Variants in RYR3 observed in about 807,000 individuals in gnomAD.
RYR3 encodes the protein ryanodine receptor 3.
Under a neutral mutation model 584.3 loss-of-function variants are expected in RYR3, and 207 were observed. The ratio of observed to expected loss-of-function variants is 0.35; its 90% CI spans 0.32 to 0.40. The LOEUF is 0.40. Ranked by LOEUF, RYR3 falls within the 10% of genes least tolerant of loss-of-function variation. RYR3 has a pLI of 1.00. For missense variants in RYR3, 5,616 were observed against 6,089.2 expected (o/e 0.92, Z 2.59); for synonymous variants, 2,416 against 2,248.5 (o/e 1.07, Z -2.11).
chr15:33,852,268 G>C (rs534014303), intron 94 of RYR3: 1 of 152,210 alleles, frequency 6.6e-6, no homozygotes. Flanking sequence ...GAAGGATTCA[G>C]TAATTCTGGA....
intron 1 of RYR3, among the ~76,000 whole-genome samples, chr15:33,378,833 T>A (rs557810970): frequency 2.6e-5 from 4 of 152,206 alleles, no homozygotes; most frequent in African/African-American, 9.6e-5. Flanking sequence ...GGCATAGCTG[T>A]GTGTGCCTGT....
At chr15:33,345,275 T>C (rs905130661) in intron 1 of RYR3, among the ~76,000 whole-genome samples, 1 of 152,162 alleles carries the variant, frequency 6.6e-6, no homozygotes, top group Non-Finnish European at 1.5e-5. Context: ...GGCATGGAGC[T>C]CCTAGCTCAC....
At chr15:33,458,444 T>C (rs2142043561) in intron 1 of RYR3, among the ~76,000 whole-genome samples, 1 of 152,344 alleles carries the variant, frequency 6.6e-6, no homozygotes, top group Admixed American at 6.5e-5. Context: ...GTTCTCAGCC[T>C]GCAGAGGCCA....
At chr15:33,625,958 T>C (rs1375501681) in intron 20 of RYR3, among the ~76,000 whole-genome samples, 2 of 152,206 alleles carry the variant, frequency 1.3e-5, no homozygotes, top group Non-Finnish European at 2.9e-5. Context: ...ATAATCCTTA[T>C]ACCACTGTGG....
chr15:33,488,930 C>A (rs2050731317), intron 2 of RYR3, among the ~76,000 whole-genome samples: 1 of 152,122 alleles, frequency 6.6e-6, no homozygotes, highest in Admixed American at 6.5e-5. Flanking sequence ...ATTTTCAAAC[C>A]AGGAGGTAAA....
intron 1 of RYR3, among the ~76,000 whole-genome samples, chr15:33,448,660 G>T (rs2339273): frequency 0.23 from 34,553 of 152,180 alleles, 4,192 homozygotes; most frequent in Middle Eastern, 0.32. Context: ...AGTTTATCCA[G>T]AAATCAACTT....
chr15:33,435,739 C>T lies in RYR3; in HGVS notation c.52-37680C>T, dbSNP rs115573846. Among the ~76,000 whole-genome samples the T allele has an allele frequency of 4.5e-3, 687 of 152,200 alleles. 1 individual carries two copies. The highest frequency in any genetic ancestry group is 0.016 in the African/African-American group (665 of 41,490). ...GGTAGGTTCCTGGTCTCACTGACTTCAGAGATGAAGCTGCAGACCCTCGCA... is the reference window on the plus strand; with the variant it reads ...GGTAGGTTCCTGGTCTCACTGACTTTAGAGATGAAGCTGCAGACCCTCGCA... On this transcript the variant is annotated intron_variant, in intron 1 of 103. Coordinates refer to ENST00000634891, the MANE Select transcript of RYR3 (RefSeq NM_001036.6).
At position 33,567,818 on chromosome 15, in the gene RYR3, A is replaced by G. The variant is rs143239190; in HGVS notation, c.1268+1019A>G. ...CCCTCAGAATAAGATCCAGCAACTCATATTGTTATAGGCCCTCCAGGTAAT... is the reference window on the plus strand; with the variant it reads ...CCCTCAGAATAAGATCCAGCAACTCGTATTGTTATAGGCCCTCCAGGTAAT... On this transcript the variant is annotated intron_variant, in intron 12 of 103. Transcript: ENST00000634891. Among the ~76,000 whole-genome samples, 1,097 of 152,308 alleles carry G rather than the reference A, an allele frequency of 7.2e-3. 11 individuals are homozygous for G. Among genetic ancestry groups the G allele is most frequent in the Non-Finnish European group, 8.9e-3 (604 of 68,030 alleles).
intron 2 of RYR3, among the ~76,000 whole-genome samples, chr15:33,489,937 C>A (rs200488137): frequency 3.8e-5 from 1 of 26,566 alleles, no homozygotes; most frequent in East Asian, 9.8e-4. Context: ...CCATTCATTC[C>A]TTAAAGTTTC....
intron 1 of RYR3, among the ~76,000 whole-genome samples, chr15:33,453,152 A>G (rs979061224): frequency 2.6e-5 from 4 of 152,240 alleles, no homozygotes; most frequent in Non-Finnish European, 5.9e-5. Flanking sequence ...TCAAAGCTCA[A>G]AATAAACTAA....
At chr15:33,442,588 C>G (rs2141885052) in intron 1 of RYR3, among the ~76,000 whole-genome samples, 1 of 152,320 alleles carries the variant, frequency 6.6e-6, no homozygotes, top group African/African-American at 2.4e-5. Flanking sequence ...ATAACAAAGA[C>G]AGTTAAAACC....
chr15:33,785,730 G>A lies in RYR3; in HGVS notation c.9337G>A (p.Glu3113Lys). Residue 3113 changes from glutamate (E) to lysine (K), a missense_variant, in exon 66 of 104, where the codon GAA becomes AAA. Physicochemically the swap from Glu to Lys is moderately conservative, Grantham distance 56 (BLOSUM62 1). This residue lies in a region of RYR3 where 954 missense variants were observed against 1,132.2 expected (regional missense o/e 0.84). Transcript: ENST00000634891. The part of the protein sequence containing the change: ...DIPQLEGLMK[E>K]INDLAESGAR... Reference sequence around the variant, plus strand: ...CCCCCAGCTGGAAGGCCTGATGAAGGAAATCAACGACCTGGCCGAGTCAGG... The same window carrying A: ...CCCCCAGCTGGAAGGCCTGATGAAGAAAATCAACGACCTGGCCGAGTCAGG... The A allele has an allele frequency of 6.2e-7, 1 of 1,613,874 alleles. No individual in the cohort carries two copies. Among genetic ancestry groups the A allele is most frequent in the South Asian group, 1.1e-5 (1 of 91,064 alleles).
At chr15:33,492,289 T>G (rs908047343) in intron 2 of RYR3, among the ~76,000 whole-genome samples, 2 of 152,162 alleles carry the variant, frequency 1.3e-5, no homozygotes, top group Non-Finnish European at 2.9e-5. Flanking sequence ...TAGTTCTCTG[T>G]GGAGAGATAC....
chr15:33,563,144 G>A (rs2304379), intron 11 of RYR3, 134 bp downstream of exon 11: 507,815 of 727,220 alleles, frequency 0.7, 180,658 homozygotes, highest in Middle Eastern at 0.8. Flanking sequence ...ATTTTGTGAT[G>A]GATTGTACAC....
At chr15:33,556,847 A>C in intron 10 of RYR3, among the ~76,000 whole-genome samples, 1 of 152,048 alleles carries the variant, frequency 6.6e-6, no homozygotes, top group East Asian at 1.9e-4. Flanking sequence ...TCCCCGGTAG[A>C]GTTGTTTTTT....
Position 33,767,621 on chromosome 15 carries a change from T to C in RYR3, c.8706-1037T>C, listed in dbSNP as rs2073206407. On this transcript the variant is annotated intron_variant, in intron 60 of 103. Coordinates refer to ENST00000634891, the MANE Select transcript of RYR3 (RefSeq NM_001036.6). The stretch of plus-strand genomic sequence containing the variant: ...GTTGTCCTATGGAAGACTTCTGCCC[T>C]GAATGGGGTAAGGAGCTCCGTGATG... Among the ~76,000 whole-genome samples the C allele has an allele frequency of 1.3e-5, 2 of 152,200 alleles. 1 individual carries two copies. Among genetic ancestry groups the C allele is most frequent in the African/African-American group, 4.8e-5 (2 of 41,458 alleles).
chr15:33,580,722 G>C (rs2058545970), intron 13 of RYR3, among the ~76,000 whole-genome samples: 1 of 152,190 alleles, frequency 6.6e-6, no homozygotes, highest in Non-Finnish European at 1.5e-5. Flanking sequence ...GAGATGTGAT[G>C]ATTTAGTGCC....
intron 1 of RYR3, among the ~76,000 whole-genome samples, chr15:33,432,952 C>A (rs560622116): frequency 6.6e-6 from 1 of 151,658 alleles, no homozygotes; most frequent in African/African-American, 2.4e-5. Context: ...GCCTTAGAAC[C>A]GTGGAAATAA....
rs549882527 is a variant in RYR3 at position 33,859,859 on chromosome 15, T to C, written c.14299+128T>C. On this transcript the variant is annotated intron_variant, in intron 100 of 103. Coordinates refer to ENST00000634891, the MANE Select transcript of RYR3 (RefSeq NM_001036.6). ...ATTTACTTGTTAATTTAGCAAGAAC[T>C]AATTTAGCATCTACTATACCTGAGG... is the stretch of plus-strand genomic sequence containing the variant. 5.9e-6 allele frequency: 6 copies of C among 1,022,528 alleles called. No individual in the cohort carries two copies. The African/African-American group carries it at 9.7e-5, about 16-fold the overall frequency. The allele number at this position is 1,022,528 out of a possible 1,614,324, so 63.3% of individuals were successfully genotyped here. A position where few individuals can be genotyped will look rare whatever the true frequency, so the allele number is the denominator to read the frequency against.
Sources: gnomAD v4.1 joint callset for allele counts (sites outside exome capture counted in the v4.1 genomes callset) on GRCh38, gnomAD v4.1.1 for gene constraint, gnomAD v4.1.1 regional missense constraint, MANE v1.5 for transcripts, NCBI Gene and HGNC (gene_info 2026-07-23, HGNC 2026-07-21) for gene names.